Variants in ZC3H13 observed in about 807,000 individuals in gnomAD.
The protein encoded by ZC3H13 is zinc finger CCCH-type containing 13.
In ZC3H13, 64 loss-of-function variants were observed where a neutral mutation model predicts 204.1. The observed-to-expected ratio is 0.31, with a 90% confidence interval of 0.26 to 0.39. The LOEUF is 0.39. Among genes scored for constraint, ZC3H13 ranks in the 10% least tolerant of loss-of-function variants. The probability of loss-of-function intolerance (pLI) is 1.00; values close to 1 mark genes in which losing one functional copy is unlikely to be tolerated. For synonymous variants in ZC3H13, 667 were observed against 693.7 expected (o/e 0.96, Z 0.60); for missense variants, 1,833 against 2,082.7 (o/e 0.88, Z 2.33).
At chr13:46,049,499 T>C (rs2139265835) in intron 1 of ZC3H13, among the ~76,000 whole-genome samples, 1 of 152,306 alleles carries the variant, frequency 6.6e-6, no homozygotes, top group Non-Finnish European at 1.5e-5. Flanking sequence ...GAGACATTCA[T>C]GAATTTGAAT....
At chr13:45,959,726 A>G (rs903201218) in intron 17 of ZC3H13, 80 bp from the exon 18 acceptor site, 1 of 1,356,210 alleles carries the variant, frequency 7.4e-7, no homozygotes, top group Non-Finnish European at 9.6e-7. Flanking sequence ...ATATTCTACA[A>G]ATTTTATACT....
intron 8 of ZC3H13, among the ~76,000 whole-genome samples, chr13:45,992,347 T>G (rs2040023383): frequency 6.6e-6 from 1 of 152,180 alleles, no homozygotes; most frequent in Non-Finnish European, 1.5e-5. Context: ...ACTAACATAA[T>G]AATAGTAATG....
intron 7 of ZC3H13, among the ~76,000 whole-genome samples, chr13:46,006,082 C>A (rs61953328): frequency 1.4e-5 from 1 of 70,814 alleles, no homozygotes; most frequent in East Asian, 4.5e-4. Flanking sequence ...GGGACTCTGT[C>A]CCAAAAAAAA....
chr13:45,967,095 G>A (rs1353051202), intron 15 of ZC3H13, among the ~76,000 whole-genome samples: 4 of 152,046 alleles, frequency 2.6e-5, no homozygotes, highest in African/African-American at 9.7e-5. Flanking sequence ...TCATATATTT[G>A]TTCTCAACTG....
chr13:46,003,399 C>G (rs2040892929), intron 7 of ZC3H13, 63 bp from the exon 8 acceptor site: 5 of 1,498,530 alleles, frequency 3.3e-6, no homozygotes, highest in Non-Finnish European at 3.6e-6. Context: ...TTTTTAAAGC[C>G]TTCTTAAAAA....
chr13:45,969,592 T>C lies in ZC3H13; in HGVS notation c.2952A>G (p.Thr984=). The change falls in exon 14 of 19, where the codon ACA becomes ACG. Residue 984 remains threonine (T), a synonymous_variant. Coordinates refer to ENST00000679008, the MANE Select transcript of ZC3H13 (RefSeq NM_001330564.2). The stretch of plus-strand genomic sequence containing the variant: ...AAAATACTTGACCATCTTCAGATGT[T>C]GTCTCTATGTTACCCCTCTCTATTC... ...DVGIERGNIE[T]TSEDGQVFSP... is the part of the protein sequence containing the mutation. 1 of 1,611,442 alleles carries C rather than the reference T, an allele frequency of 6.2e-7. No homozygotes were observed.
intron 3 of ZC3H13, among the ~76,000 whole-genome samples, chr13:46,043,772 T>C (rs979611427): frequency 6.6e-6 from 1 of 151,976 alleles, no homozygotes; most frequent in Non-Finnish European, 1.5e-5. Flanking sequence ...ATGACATTAC[T>C]TTTTCCCATT....
chr13:45,975,196 T>C, intron 12 of ZC3H13, 87 bp downstream of exon 12: 1 of 1,503,482 alleles, frequency 6.7e-7, no homozygotes, highest in Non-Finnish European at 8.9e-7. Flanking sequence ...TAACAGGAAA[T>C]TAAGAGTATA....
At chr13:45,965,192 G>A (rs1015180695) in intron 16 of ZC3H13, 88 bp downstream of exon 16, 8 of 1,453,646 alleles carry the variant, frequency 5.5e-6, no homozygotes, top group Non-Finnish European at 6.4e-6. Context: ...AAGTGTCTTA[G>A]GTCAATTTTT....
intron 12 of ZC3H13, 103 bp downstream of exon 12, chr13:45,975,180 A>T (rs544613847): frequency 1.3e-6 from 2 of 1,482,454 alleles, no homozygotes; most frequent in Admixed American, 2.3e-5. Context: ...TACAGAGAAA[A>T]AAAATTAACA....
chr13:45,993,173 T>G (rs1464704789), intron 8 of ZC3H13, among the ~76,000 whole-genome samples: 5 of 152,096 alleles, frequency 3.3e-5, no homozygotes, highest in African/African-American at 1.2e-4. Flanking sequence ...TGTAACAACA[T>G]TTATACAAAA....
intron 8 of ZC3H13, among the ~76,000 whole-genome samples, chr13:46,002,266 T>A (rs749371998): frequency 4.6e-5 from 7 of 151,974 alleles, no homozygotes; most frequent in African/African-American, 4.8e-5. Flanking sequence ...ACAAACAAAC[T>A]AAGTGTTGGT....
intron 8 of ZC3H13, among the ~76,000 whole-genome samples, chr13:45,998,602 T>C (rs1024268480): frequency 2.0e-5 from 3 of 151,810 alleles, no homozygotes; most frequent in African/African-American, 4.9e-5. Flanking sequence ...TGAGCCAAGA[T>C]TGTGCCACTG....
intron 8 of ZC3H13, 132 bp downstream of exon 8, chr13:46,003,007 T>C: frequency 2.9e-6 from 2 of 697,318 alleles, no homozygotes; most frequent in Non-Finnish European, 2.3e-6. Context: ...ATGGGAATTA[T>C]TAAAATAAAT....
At chr13:46,003,411 A>T in intron 7 of ZC3H13, 75 bp from the exon 8 acceptor site, 3 of 1,391,172 alleles carry the variant, frequency 2.2e-6, no homozygotes, top group Non-Finnish European at 3.0e-6. Flanking sequence ...TCTTAAAAAC[A>T]GCAGCGTTCC....
At chr13:45,970,698 C>A (rs1952512377) in intron 12 of ZC3H13, among the ~76,000 whole-genome samples, 1 of 152,094 alleles carries the variant, frequency 6.6e-6, no homozygotes, top group Non-Finnish European at 1.5e-5. Flanking sequence ...CTTCATTATA[C>A]ATGTAGAATA....
intron 4 of ZC3H13, among the ~76,000 whole-genome samples, chr13:46,025,480 T>A (rs1310806853): frequency 4.6e-5 from 7 of 152,072 alleles, no homozygotes; most frequent in African/African-American, 1.2e-4. Flanking sequence ...AATTAAAAAA[T>A]TTTTTTATTT....
At position 45,967,623 on chromosome 13, in the gene ZC3H13, T is replaced by C. The variant is rs570066224; in HGVS notation, c.4202A>G (p.Asp1401Gly). ...AGAGTCTCGGGAAGTGCTTTCTAGA[T>C]CCCTTTCATGTTCACCTTCCAGTTT... is the stretch of plus-strand genomic sequence containing the variant. ...EAKLEGEHER[D>G]LESTSRDSLA... Residue 1401 changes from aspartate (D) to glycine (G), a missense_variant, in exon 15 of 19, where the codon GAT becomes GGT. Physicochemically the swap from Asp to Gly is moderately conservative, Grantham distance 94 (BLOSUM62 -1). Transcript: ENST00000679008. The C allele has an allele frequency of 6.2e-7, 1 of 1,614,132 alleles. No individual in the cohort carries two copies. The highest frequency in any genetic ancestry group is 2.2e-5 in the East Asian group (1 of 44,884).
rs914656218 is a variant in ZC3H13 at position 45,964,126 on chromosome 13, G to C, written c.4475-84C>G. 4 of 1,310,296 alleles carry C rather than the reference G, an allele frequency of 3.1e-6. No homozygotes were observed. The African/African-American group carries it at 6.0e-5, about 20-fold the overall frequency. The allele number at this position is 1,310,296 out of a possible 1,614,324, so 81.2% of individuals were successfully genotyped here. ...TACATAGACATTTACATAAATCAAG[G>C]AGAAAACAGAAAAAATGAAAAGTAC... is the stretch of plus-strand genomic sequence containing the variant. On this transcript the variant is annotated intron_variant, in intron 16 of 18. Transcript: ENST00000679008.
Sources: gnomAD v4.1 joint callset for allele counts (sites outside exome capture counted in the v4.1 genomes callset) on GRCh38, gnomAD v4.1.1 for gene constraint, MANE v1.5 for transcripts, NCBI Gene and HGNC (gene_info 2026-07-23, HGNC 2026-07-21) for gene names.